Variants in PRKG1 observed in about 807,000 individuals in gnomAD.
PRKG1 encodes protein kinase cGMP-dependent 1, also known as cGMP-dependent protein kinase 1.
In PRKG1, 35 loss-of-function variants were observed where a neutral mutation model predicts 88.1. The ratio of observed to expected loss-of-function variants is 0.40; its 90% confidence interval spans 0.30 to 0.53. The LOEUF is 0.53. PRKG1 is among the 20% of genes least tolerant of loss of function. The probability of loss-of-function intolerance (pLI) is 0.59; values close to 1 mark genes in which losing one functional copy is unlikely to be tolerated. For synonymous variants in PRKG1, 303 were observed against 292.5 expected (o/e 1.04, Z -0.37); for missense variants, 540 against 839.8 (o/e 0.64, Z 4.41).
intron 3 of PRKG1, among the ~76,000 whole-genome samples, chr10:51,652,439 T>A (rs752913858): frequency 6.6e-6 from 1 of 152,066 alleles, no homozygotes; most frequent in Non-Finnish European, 1.5e-5. Flanking sequence ...AAGTTTAGCA[T>A]CTCTTAAATA....
At chr10:51,969,998 TCATACACACACACACACA>T (rs1321573944) in intron 5 of PRKG1, among the ~76,000 whole-genome samples, 8 of 97,132 alleles carry the variant, frequency 8.2e-5, no homozygotes, top group Non-Finnish European at 1.5e-4. Context: ...CCCATTCTCT[TCATACACACACACACACA>T]CACACACACA....
intron 7 of PRKG1, among the ~76,000 whole-genome samples, chr10:52,068,181 C>T (rs1218921303): frequency 7.6e-5 from 6 of 78,778 alleles, no homozygotes; most frequent in African/African-American, 2.3e-4. Flanking sequence ...CCAGCCTGGG[C>T]GACAGAGCGA....
At chr10:51,447,734 C>A (rs1395444847) in intron 2 of PRKG1, among the ~76,000 whole-genome samples, 2 of 151,922 alleles carry the variant, frequency 1.3e-5, no homozygotes, top group Admixed American at 6.6e-5. Flanking sequence ...TGAATTTTTG[C>A]CTAATTCTCT....
intron 7 of PRKG1, among the ~76,000 whole-genome samples, chr10:52,066,565 G>C (rs910252869): frequency 5.3e-5 from 8 of 152,072 alleles, no homozygotes; most frequent in African/African-American, 1.9e-4. Flanking sequence ...CAGTGGATAG[G>C]GGTTATGAGC....
chr10:51,362,450 T>TA (rs1842502058), intron 2 of PRKG1, among the ~76,000 whole-genome samples: 1 of 151,774 alleles, frequency 6.6e-6, no homozygotes, highest in Non-Finnish European at 1.5e-5. Flanking sequence ...ATTAAATTTT[T>TA]AGAAAAACAT....
chr10:51,984,224 T>C (rs986218136), intron 5 of PRKG1, among the ~76,000 whole-genome samples: 5 of 152,184 alleles, frequency 3.3e-5, no homozygotes, highest in African/African-American at 1.2e-4. Context: ...AGAAATATTT[T>C]GTAAGAGGAA....
chr10:51,265,692 A>T (rs1839820368), intron 2 of PRKG1, among the ~76,000 whole-genome samples: 1 of 152,124 alleles, frequency 6.6e-6, no homozygotes. Flanking sequence ...TTTGAGAGAA[A>T]TTGAAGTGAG....
chr10:52,195,262 T>C (rs1375584687), intron 9 of PRKG1, among the ~76,000 whole-genome samples: 1 of 151,906 alleles, frequency 6.6e-6, no homozygotes, highest in Non-Finnish European at 1.5e-5. Context: ...GCTCGAATAA[T>C]ATTAGTTTGT....
chr10:52,283,960 T>C (rs1842057092), intron 14 of PRKG1, among the ~76,000 whole-genome samples: 1 of 151,980 alleles, frequency 6.6e-6, no homozygotes, highest in Non-Finnish European at 1.5e-5. Context: ...ATATTTCTCC[T>C]TAAATGTTTA....
intron 2 of PRKG1, among the ~76,000 whole-genome samples, chr10:51,404,321 A>G (rs1248838701): frequency 6.6e-6 from 1 of 152,248 alleles, no homozygotes; most frequent in African/African-American, 2.4e-5. Context: ...ATGCATATTC[A>G]TAAACTTTGT....
chr10:51,369,803 G>A (rs1249335353), intron 2 of PRKG1, among the ~76,000 whole-genome samples: 1 of 152,048 alleles, frequency 6.6e-6, no homozygotes, highest in Non-Finnish European at 1.5e-5. Context: ...TGTCCCCTAT[G>A]CACCTTATGC....
At chr10:51,634,289 C>T (rs1025624729) in intron 3 of PRKG1, among the ~76,000 whole-genome samples, 1 of 152,120 alleles carries the variant, frequency 6.6e-6, no homozygotes, top group African/African-American at 2.4e-5. Context: ...ATAAGCATCT[C>T]TACAGTTACA....
At chr10:52,085,578 G>A (rs1008565656) in intron 7 of PRKG1, among the ~76,000 whole-genome samples, 43 of 152,008 alleles carry the variant, frequency 2.8e-4, no homozygotes, top group African/African-American at 9.9e-4. Flanking sequence ...ATAATAATCT[G>A]TATCACTCTC....
At chr10:52,133,607 T>A (rs1837323976) in intron 7 of PRKG1, among the ~76,000 whole-genome samples, 1 of 152,108 alleles carries the variant, frequency 6.6e-6, no homozygotes, top group Non-Finnish European at 1.5e-5. Context: ...TGAATGAAAT[T>A]TCAAATTTGA....
At chr10:52,261,403 C>CAT (rs1388357431) in intron 10 of PRKG1, among the ~76,000 whole-genome samples, 6 of 151,838 alleles carry the variant, frequency 4.0e-5, no homozygotes, top group Non-Finnish European at 8.8e-5. Context: ...AATGAAAAGG[C>CAT]ATATATATAT....
intron 2 of PRKG1, among the ~76,000 whole-genome samples, chr10:51,297,189 A>G (rs1405565859): frequency 6.6e-6 from 1 of 152,090 alleles, no homozygotes; most frequent in Non-Finnish European, 1.5e-5. Flanking sequence ...AATAGGGGGA[A>G]AAAGGGCATG....
intron 3 of PRKG1, among the ~76,000 whole-genome samples, chr10:51,784,034 A>C (rs956695119): frequency 6.6e-6 from 1 of 151,906 alleles, no homozygotes; most frequent in African/African-American, 2.4e-5. Flanking sequence ...TTGACATTTC[A>C]TTATATTTGG....
chr10:52,192,182 G>C (rs978800827), intron 9 of PRKG1, among the ~76,000 whole-genome samples: 1 of 152,008 alleles, frequency 6.6e-6, no homozygotes, highest in African/African-American at 2.4e-5. Context: ...CTTTAGGTTG[G>C]TTCCTTGTTT....
chr10:51,044,657 G>A (rs1843465030), intron 1 of PRKG1, among the ~76,000 whole-genome samples: 1 of 151,974 alleles, frequency 6.6e-6, no homozygotes, highest in Non-Finnish European at 1.5e-5. Flanking sequence ...TCCTTTGAGA[G>A]GCAAGGCAGG....
Sources: gnomAD v4.1 joint callset for allele counts (sites outside exome capture counted in the v4.1 genomes callset) on GRCh38, gnomAD v4.1.1 for gene constraint, MANE v1.5 for transcripts, NCBI Gene and HGNC (gene_info 2026-07-23, HGNC 2026-07-21) for gene names.